NINJ2: variants seen among roughly 807,000 people sequenced by gnomAD.
The protein encoded by NINJ2 is ninjurin 2, also known as ninjurin-2.
NINJ2 carries 12 observed loss-of-function variants against 11.7 expected under a neutral mutation model. The ratio of observed to expected loss-of-function variants is 1.02; its 90% CI spans 0.66 to 1.66. NINJ2 has a LOEUF of 1.66. NINJ2 is among the 40% of genes most tolerant of loss of function. NINJ2 has a pLI of 0.00. For synonymous variants in NINJ2, 93 were observed against 76.8 expected (o/e 1.21, Z -1.10); for missense variants, 187 against 181.8 (o/e 1.03, Z -0.16).
chr12:576,495 A>G (rs1947463337), intron 1 of NINJ2, among the ~76,000 whole-genome samples: 1 of 152,202 alleles, frequency 6.6e-6, no homozygotes, highest in Admixed American at 6.5e-5. Flanking sequence ...TATTTATTTT[A>G]GTTATTACTG....
In NINJ2 at chr12:628,396, C is replaced by A. The variant is rs1377132249; in HGVS notation, c.33+34932G>T. ...TCTTCTGCGTCTCCTCACAGCGTCA[C>A]CTACAAGGGTCTGGCACACAGTGGA... is the stretch of plus-strand genomic sequence containing the variant. On this transcript the variant is annotated intron_variant, in intron 1 of 3. Transcript: ENST00000305108. This position sits in a 1 kb window ranked among gnomAD's most constrained non-coding sequence, Gnocchi z 4.4. Among the ~76,000 whole-genome samples, 2 of 152,172 alleles carry A rather than the reference C, an allele frequency of 1.3e-5. No individual in the cohort carries two copies. Among genetic ancestry groups the A allele is most frequent in the African/African-American group, 4.8e-5 (2 of 41,464 alleles).
intron 1 of NINJ2, among the ~76,000 whole-genome samples, chr12:589,786 A>G (rs916290346): frequency 1.5e-4 from 23 of 150,694 alleles, no homozygotes; most frequent in Non-Finnish European, 2.5e-4. Flanking sequence ...ACGAATCCAT[A>G]TGGCTCCTGC....
intron 1 of NINJ2, among the ~76,000 whole-genome samples, chr12:660,788 C>T (rs1012741558): frequency 1.3e-5 from 2 of 152,118 alleles, no homozygotes; most frequent in Non-Finnish European, 2.9e-5. Flanking sequence ...TGATGAAACC[C>T]TGTCTCTACT....
chr12:588,193 ACGGAGGG>A (rs1947669255), intron 1 of NINJ2, among the ~76,000 whole-genome samples: 1 of 66,832 alleles, frequency 1.5e-5, no homozygotes, highest in Non-Finnish European at 2.8e-5. Context: ...GACGGAAGGG[ACGGAGGG>A]GACGGAAGGG....
intron 1 of NINJ2, among the ~76,000 whole-genome samples, chr12:573,653 G>C (rs1210758820): frequency 6.6e-6 from 1 of 152,146 alleles, no homozygotes; most frequent in Admixed American, 6.5e-5. Flanking sequence ...TGCAGCCTAA[G>C]ATGAAAGAAG....
In NINJ2 at chr12:614,704, G is replaced by T. The variant is rs1258325598; in HGVS notation, c.34-48526C>A. On this transcript the variant is annotated intron_variant, in intron 1 of 3. Coordinates refer to ENST00000305108, the MANE Select transcript of NINJ2 (RefSeq NM_016533.6). The surrounding 1 kb of genome is among the most constrained non-coding windows in gnomAD (Gnocchi z 5.1). The stretch of plus-strand genomic sequence containing the variant: ...TTAGCTCATTTTTTTTTCCTCCAAA[G>T]AAGGGAACAAAGGCTTGACACCTCA... 1.3e-5 allele frequency among the ~76,000 whole-genome samples: 2 copies of T among 151,898 alleles called. No individual in the cohort carries two copies. The highest frequency in any genetic ancestry group is 2.9e-5 in the Non-Finnish European group (2 of 67,986).
At chr12:643,569 T>TGAGGAAACCGTCATTTA in intron 1 of NINJ2, 1 of 988,034 alleles carries the variant, frequency 1.0e-6, no homozygotes, top group Non-Finnish European at 1.2e-6. Context: ...ATTTTAGGGC[T>TGAGGAAACCGTCATTTA]GGAGATGAGG....
intron 1 of NINJ2, among the ~76,000 whole-genome samples, chr12:654,101 G>A (rs1470564583): frequency 2.6e-5 from 4 of 152,118 alleles, no homozygotes; most frequent in African/African-American, 9.7e-5. Flanking sequence ...AGGCTGAAGT[G>A]GGAGGATTGC....
chr12:601,352 C>A (rs188757273), intron 1 of NINJ2, among the ~76,000 whole-genome samples: 13 of 148,818 alleles, frequency 8.7e-5, no homozygotes, highest in South Asian at 2.1e-4. Context: ...CGAGACCATC[C>A]TGGCTAACAC....
chr12:585,500 AAGGGAACGGTTGGAGGGAAG>A lies in NINJ2; in HGVS notation c.34-19342_34-19323del, dbSNP rs1176017898. On this transcript the variant is annotated intron_variant, in intron 1 of 3. Transcript: ENST00000305108. The surrounding 1 kb of genome is among the most constrained non-coding windows in gnomAD (Gnocchi z 4.1). ...GGAAGGGAACGGTTGGAGGGAAGGG[AAGGGAACGGTTGGAGGGAAG>A]GGAAGGGAACGGTTGGAGGGAAGGG... is the stretch of plus-strand genomic sequence containing the variant. 3.1e-4 allele frequency among the ~76,000 whole-genome samples: 46 copies of A among 149,440 alleles called. No homozygotes were observed. In the South Asian group the frequency reaches 8.6e-3, roughly 28 times the overall value.
chr12:567,993 TAA>T (rs747240621), intron 1 of NINJ2, among the ~76,000 whole-genome samples: 1 of 152,094 alleles, frequency 6.6e-6, no homozygotes, highest in Non-Finnish European at 1.5e-5. Flanking sequence ...GGTGGCAGAG[TAA>T]GACTCTTGTC....
intron 1 of NINJ2, among the ~76,000 whole-genome samples, chr12:650,573 C>T (rs1937772528): frequency 6.6e-6 from 1 of 152,036 alleles, no homozygotes; most frequent in Admixed American, 6.5e-5. Flanking sequence ...GTGGCGGGTG[C>T]CTGTAGTCCC....
chr12:582,061 C>T (rs1214640657), intron 1 of NINJ2, among the ~76,000 whole-genome samples: 1 of 152,202 alleles, frequency 6.6e-6, no homozygotes, highest in Non-Finnish European at 1.5e-5. Context: ...AAACAGGCTC[C>T]AGAGAGGACA....
chr12:577,058 C>T (rs1232071766), intron 1 of NINJ2, among the ~76,000 whole-genome samples: 1 of 152,192 alleles, frequency 6.6e-6, no homozygotes, highest in Non-Finnish European at 1.5e-5. Flanking sequence ...TCAGGCATGA[C>T]TCCACAAAGC....
intron 1 of NINJ2, among the ~76,000 whole-genome samples, chr12:641,880 T>G (rs1386571288): frequency 6.7e-6 from 1 of 149,060 alleles, no homozygotes; most frequent in Non-Finnish European, 1.5e-5. Flanking sequence ...GTAAGGGAAG[T>G]CTCTTCTAAC....
intron 1 of NINJ2, among the ~76,000 whole-genome samples, chr12:609,812 T>G (rs1460204799): frequency 7.5e-6 from 1 of 134,054 alleles, no homozygotes; most frequent in African/African-American, 2.8e-5. Flanking sequence ...ACAGCAGCAA[T>G]AGGGGACTTG....
intron 1 of NINJ2, among the ~76,000 whole-genome samples, chr12:587,908 T>C (rs1216800133): frequency 6.6e-6 from 1 of 152,172 alleles, no homozygotes; most frequent in Non-Finnish European, 1.5e-5. Flanking sequence ...CACTGGACGG[T>C]GAACTCCTTC....
chr12:604,764 C>T (rs548619662), intron 1 of NINJ2, among the ~76,000 whole-genome samples: 21 of 152,178 alleles, frequency 1.4e-4, no homozygotes, highest in Non-Finnish European at 2.9e-4. Flanking sequence ...GGACGAGGTA[C>T]AGACCTGAGA....
chr12:572,729 A>C (rs1448352072), intron 1 of NINJ2, among the ~76,000 whole-genome samples: 1 of 152,208 alleles, frequency 6.6e-6, no homozygotes, highest in East Asian at 1.9e-4. Context: ...AGTTCTGCGA[A>C]GTAGATGAGG....
Sources: gnomAD v4.1 joint callset for allele counts (sites outside exome capture counted in the v4.1 genomes callset) on GRCh38, gnomAD v4.1.1 for gene constraint, Gnocchi (gnomAD v3.1) non-coding constraint, MANE v1.5 for transcripts, NCBI Gene and HGNC (gene_info 2026-07-23, HGNC 2026-07-21) for gene names.